Variants in ELP4 observed in about 807,000 individuals in gnomAD.
ELP4 encodes elongator complex protein 4.
Under a neutral mutation model 48.9 loss-of-function variants are expected in ELP4, and 51 were observed. The ratio of observed to expected loss-of-function variants is 1.04; its 90% CI spans 0.83 to 1.32. The LOEUF is 1.32. Among genes scored for constraint, ELP4 ranks in the 40% most tolerant of loss-of-function variants. The pLI is 0.00. For missense variants in ELP4, 519 were observed against 514.6 expected, an observed-to-expected ratio of 1.01 and a Z score of -0.08; for synonymous variants, 210 against 189.2, an observed-to-expected ratio of 1.11 and a Z score of -0.90.
chr11:31,522,570 C>T (rs1318748885), intron 2 of ELP4, among the ~76,000 whole-genome samples: 1 of 151,964 alleles, frequency 6.6e-6, no homozygotes, highest in Admixed American at 6.6e-5. Flanking sequence ...AAATTAATTC[C>T]ATCTTTTTCT....
At chr11:31,557,258 A>C (rs1217314567) in intron 3 of ELP4, among the ~76,000 whole-genome samples, 4 of 151,830 alleles carry the variant, frequency 2.6e-5, no homozygotes, top group Non-Finnish European at 5.9e-5. Flanking sequence ...AAAATACCAG[A>C]CTTACCCAAA....
intron 9 of ELP4, among the ~76,000 whole-genome samples, chr11:31,704,917 A>G (rs1946599175): frequency 6.6e-6 from 1 of 151,792 alleles, no homozygotes; most frequent in Non-Finnish European, 1.5e-5. Context: ...AGGCTGAAGC[A>G]GGAGAATCGC....
chr11:31,700,834 G>C (rs1391932199), intron 9 of ELP4, among the ~76,000 whole-genome samples: 1 of 151,952 alleles, frequency 6.6e-6, no homozygotes, highest in Non-Finnish European at 1.5e-5. Flanking sequence ...TGTTCTCATT[G>C]GTATGCAATG....
chr11:31,691,681 A>T (rs1946285016), intron 9 of ELP4, among the ~76,000 whole-genome samples: 1 of 152,164 alleles, frequency 6.6e-6, no homozygotes, highest in Non-Finnish European at 1.5e-5. Context: ...ACACTTGTTT[A>T]ACTAAAGGAC....
chr11:31,563,571 A>G (rs1377454327), intron 3 of ELP4, among the ~76,000 whole-genome samples: 2 of 152,198 alleles, frequency 1.3e-5, no homozygotes, highest in South Asian at 2.1e-4. Flanking sequence ...TGGGAATTTT[A>G]TAATTTTATT....
intron 9 of ELP4, among the ~76,000 whole-genome samples, chr11:31,691,226 T>A (rs567666599): frequency 7.9e-5 from 12 of 152,224 alleles, no homozygotes; most frequent in Non-Finnish European, 2.9e-5. Flanking sequence ...AATTTTTTTT[T>A]AAATCTCGGA....
intron 9 of ELP4, among the ~76,000 whole-genome samples, chr11:31,680,065 C>G (rs2134120943): frequency 1.3e-5 from 2 of 152,164 alleles, no homozygotes; most frequent in Admixed American, 1.3e-4. Flanking sequence ...TTGTGATTCT[C>G]TGTATCTGCC....
chr11:31,664,152 A>G (rs1484621021), intron 9 of ELP4: 2 of 152,134 alleles, frequency 1.3e-5, no homozygotes, highest in African/African-American at 4.8e-5. Flanking sequence ...GTATGATTTT[A>G]TAATAAACAG....
intron 5 of ELP4, among the ~76,000 whole-genome samples, chr11:31,619,663 GTT>G (rs34952028): frequency 6.9e-6 from 1 of 145,256 alleles, no homozygotes. Context: ...GTTTTTTATT[GTT>G]TTTTTTTTTC....
intron 9 of ELP4, chr11:31,714,892 T>G (rs1296232890): frequency 1.5e-5 from 6 of 397,942 alleles, no homozygotes; most frequent in Non-Finnish European, 2.2e-5. Context: ...ATCTTCCTAT[T>G]TTAAGGTCGA....
intron 9 of ELP4, among the ~76,000 whole-genome samples, chr11:31,737,366 C>G (rs999915772): frequency 7.9e-5 from 12 of 151,786 alleles, no homozygotes; most frequent in African/African-American, 2.9e-4. Flanking sequence ...ATACCTAATG[C>G]TAAATGACAA....
chr11:31,662,673 G>T (rs1449461971), intron 9 of ELP4: 2 of 397,194 alleles, frequency 5.0e-6, no homozygotes, highest in Non-Finnish European at 8.9e-6. Context: ...TTGTCAATTT[G>T]GTGATAATGA....
chr11:31,518,233 C>T lies in ELP4; in HGVS notation c.224-1823C>T, dbSNP rs761630482. Among the ~76,000 whole-genome samples the T allele has an allele frequency of 2.8e-4, 43 of 151,226 alleles. 1 individual carries two copies. The highest frequency in any genetic ancestry group is 1.5e-3 in the South Asian group (7 of 4,808). ...GCGATTCTCCTGCCTCAGCCTCCTG[C>T]GTAGCTGGGATTACAGGCATGGGCC... On this transcript the variant is annotated intron_variant, in intron 1 of 9. Coordinates refer to ENST00000640961, the MANE Select transcript of ELP4 (RefSeq NM_019040.5).
At chr11:31,521,668 G>A (rs1302748822) in intron 2 of ELP4, among the ~76,000 whole-genome samples, 1 of 151,982 alleles carries the variant, frequency 6.6e-6, no homozygotes, top group East Asian at 1.9e-4. Flanking sequence ...GATCAAAGTT[G>A]CAGCACTGTA....
intron 3 of ELP4, among the ~76,000 whole-genome samples, chr11:31,555,210 G>T (rs1956911168): frequency 6.6e-6 from 1 of 152,080 alleles, no homozygotes; most frequent in Admixed American, 6.6e-5. Context: ...GATTTGTAGG[G>T]TCGGTTGATA....
At chr11:31,743,607 T>C (rs927789346) in intron 9 of ELP4, among the ~76,000 whole-genome samples, 14 of 151,230 alleles carry the variant, frequency 9.3e-5, no homozygotes, top group African/African-American at 3.4e-4. Context: ...TCAAAACCGC[T>C]CAACTACATG....
intron 9 of ELP4, among the ~76,000 whole-genome samples, chr11:31,659,149 A>C (rs1439004600): frequency 6.6e-6 from 1 of 152,154 alleles, no homozygotes; most frequent in East Asian, 1.9e-4. Flanking sequence ...AGTAGAATGT[A>C]ATGGGAATGT....
At chr11:31,513,808 G>A (rs509628) in intron 1 of ELP4, among the ~76,000 whole-genome samples, 97,762 of 152,068 alleles carry the variant, frequency 0.64, 33,390 homozygotes, top group African/African-American at 0.89. Context: ...TTATGATTTT[G>A]AAAATCGTGG....
intron 9 of ELP4, among the ~76,000 whole-genome samples, chr11:31,736,949 CA>C (rs1405938957): frequency 2.0e-5 from 3 of 152,214 alleles, no homozygotes; most frequent in African/African-American, 7.2e-5. Context: ...CCATTTGACC[CA>C]GCCATCCCAT....
Sources: gnomAD v4.1 joint callset for allele counts (sites outside exome capture counted in the v4.1 genomes callset) on GRCh38, gnomAD v4.1.1 for gene constraint, MANE v1.5 for transcripts, NCBI Gene and HGNC (gene_info 2026-07-23, HGNC 2026-07-21) for gene names.